The following SAFB variants were observed in gnomAD, a reference collection of about 807,000 sequenced individuals.
The protein encoded by SAFB is scaffold attachment factor B.
Under a neutral mutation model 101.6 loss-of-function variants are expected in SAFB, and 15 were observed. The ratio of observed to expected loss-of-function variants is 0.15; its 90% CI spans 0.10 to 0.23. SAFB has a LOEUF of 0.23. Ranked by LOEUF, SAFB falls within the 10% of genes least tolerant of loss-of-function variation. The pLI is 1.00. For missense variants in SAFB, 930 were observed against 1,104.1 expected (o/e 0.84, Z 2.23); for synonymous variants, 449 against 407.5 (o/e 1.10, Z -1.23).
intron 15 of SAFB, among the ~76,000 whole-genome samples, chr19:5,662,180 C>T (rs2054226993): frequency 6.6e-6 from 1 of 152,162 alleles, no homozygotes. Flanking sequence ...CCACCGCGAC[C>T]GGCCAGCTTG....
At chr19:5,658,311 A>G (rs1401901278) in intron 14 of SAFB, among the ~76,000 whole-genome samples, 1 of 152,248 alleles carries the variant, frequency 6.6e-6, no homozygotes, top group East Asian at 1.9e-4. Flanking sequence ...ACAGGGCCTC[A>G]TTCTTAAATA....
At position 5,623,354 on chromosome 19, in the gene SAFB, C is replaced by G; in HGVS notation, c.149C>G (p.Ser50Trp). Residue 50 changes from serine to tryptophan, a missense_variant, in exon 1 of 21, where the codon TCG becomes TGG. Ser to Trp is a radical substitution (Grantham distance 177). Coordinates refer to ENST00000588852, the MANE Select transcript of SAFB (RefSeq NM_001201338.2). ...GAGCTGAGGAAACGGAATGTGGACTCGAGCGGCAACAAGAGCGTTTTGATG... is the reference window on the plus strand; with the variant it reads ...GAGCTGAGGAAACGGAATGTGGACTGGAGCGGCAACAAGAGCGTTTTGATG... ...RAELRKRNVD[S>W]SGNKSVLMER... The G allele has an allele frequency of 6.2e-7, 1 of 1,613,974 alleles. No individual in the cohort carries two copies. Among genetic ancestry groups the G allele is most frequent in the East Asian group, 2.2e-5 (1 of 44,866 alleles).
At chr19:5,658,704 G>A (rs924917355) in intron 14 of SAFB, among the ~76,000 whole-genome samples, 4 of 151,854 alleles carry the variant, frequency 2.6e-5, no homozygotes, top group South Asian at 2.1e-4. Flanking sequence ...TGAACTGGGC[G>A]TGGTGGCGGG....
At chr19:5,633,055 T>C (rs564931868) in intron 2 of SAFB, among the ~76,000 whole-genome samples, 15 of 152,256 alleles carry the variant, frequency 9.9e-5, no homozygotes, top group African/African-American at 1.7e-4. Context: ...GGGAAGATAC[T>C]CTGAGACTTT....
At chr19:5,652,298 G>T (rs1043087769) in intron 9 of SAFB, among the ~76,000 whole-genome samples, 1 of 152,134 alleles carries the variant, frequency 6.6e-6, no homozygotes, top group Non-Finnish European at 1.5e-5. Flanking sequence ...CAACACCTGC[G>T]CCAAGTCTCC....
At chr19:5,626,183 A>G (rs1003705102) in intron 1 of SAFB, among the ~76,000 whole-genome samples, 1 of 152,204 alleles carries the variant, frequency 6.6e-6, no homozygotes, top group African/African-American at 2.4e-5. Flanking sequence ...TGAGCACCTA[A>G]GTAAACCTGC....
In SAFB at chr19:5,667,237, G is replaced by A; in HGVS notation, c.2453+73G>A. The A allele has an allele frequency of 8.0e-7, 1 of 1,248,438 alleles. No individual in the cohort carries two copies. The highest frequency in any genetic ancestry group is 1.1e-6 in the Non-Finnish European group (1 of 899,662). The allele number at this position is 1,248,438 out of a possible 1,614,324, so 77.3% of individuals were successfully genotyped here. On this transcript the variant is annotated intron_variant, in intron 18 of 20. Transcript: ENST00000588852. The surrounding 1 kb of genome is among the most constrained non-coding windows in gnomAD (Gnocchi z 4.0). Reference sequence around the variant, plus strand: ...GGGGGCCCGCAAGTCGCTGGGATGTGGGCACAGGGTGGGAAACACAGAGGG... The same window carrying A: ...GGGGGCCCGCAAGTCGCTGGGATGTAGGCACAGGGTGGGAAACACAGAGGG...
intron 14 of SAFB, among the ~76,000 whole-genome samples, chr19:5,658,355 T>G (rs567745333): frequency 7.2e-5 from 11 of 152,344 alleles, no homozygotes; most frequent in African/African-American, 2.6e-4. Context: ...TATTGGCGAA[T>G]TACAGCTAAT....
chr19:5,661,819 C>T lies in SAFB; in HGVS notation c.2153+11C>T, dbSNP rs1203182490. 2 of 1,523,104 alleles carry T rather than the reference C, an allele frequency of 1.3e-6. No homozygotes were observed. The highest frequency in any genetic ancestry group is 2.0e-5 in the Admixed American group (1 of 49,340). The allele number at this position is 1,523,104 out of a possible 1,614,324, so 94.3% of individuals were successfully genotyped here. A position where few individuals can be genotyped will look rare whatever the true frequency, so the allele number is the denominator to read the frequency against. ...CTACGACCTGGACCGGTAAGCAGAT[C>T]CATGCTGCCCTTAGCACGTGGCGTT... On this transcript the variant is annotated intron_variant, in intron 15 of 20. Transcript: ENST00000588852.
At chr19:5,658,632 A>G (rs554047550) in intron 14 of SAFB, among the ~76,000 whole-genome samples, 17 of 150,814 alleles carry the variant, frequency 1.1e-4, no homozygotes, top group African/African-American at 4.1e-4. Flanking sequence ...TCACGAGGTC[A>G]GGAGATCGAG....
chr19:5,628,058 C>T (rs1362223358), intron 2 of SAFB, among the ~76,000 whole-genome samples: 1 of 152,114 alleles, frequency 6.6e-6, no homozygotes, highest in Non-Finnish European at 1.5e-5. Context: ...CGAGACCAGC[C>T]TGGCCAACAT....
chr19:5,652,740 TC>T (rs2053967187), intron 9 of SAFB, among the ~76,000 whole-genome samples: 1 of 152,206 alleles, frequency 6.6e-6, no homozygotes, highest in Admixed American at 6.5e-5. Context: ...CTTTTTTTTT[TC>T]TTTTTTCTTT....
chr19:5,624,505 T>C (rs1303726670), intron 1 of SAFB, among the ~76,000 whole-genome samples: 3 of 152,052 alleles, frequency 2.0e-5, no homozygotes, highest in African/African-American at 7.2e-5. Flanking sequence ...TCCTGTAGCT[T>C]TTTTTCTCTG....
Position 5,654,299 on chromosome 19 carries a change from G to C in SAFB, c.1667-69G>C. On this transcript the variant is annotated intron_variant, in intron 12 of 20. Coordinates refer to ENST00000588852, the MANE Select transcript of SAFB (RefSeq NM_001201338.2). ...AGCTGGCAACGGAAACTGGATTCAT[G>C]TTGCAGAGGGTTTTTCTCATCTGGG... 3 of 1,587,710 alleles carry C rather than the reference G, an allele frequency of 1.9e-6. No individual in the cohort carries two copies. In the South Asian group the frequency reaches 3.3e-5, roughly 18 times the overall value.
At chr19:5,629,341 G>A (rs1347121079) in intron 2 of SAFB, among the ~76,000 whole-genome samples, 1 of 152,162 alleles carries the variant, frequency 6.6e-6, no homozygotes, top group Non-Finnish European at 1.5e-5. Flanking sequence ...CAAGGTAGGA[G>A]GATTGCTTAA....
chr19:5,663,488 C>A (rs1239138926), intron 15 of SAFB, among the ~76,000 whole-genome samples: 1 of 152,098 alleles, frequency 6.6e-6, no homozygotes, highest in Admixed American at 6.6e-5. Context: ...GAAGAGGAGC[C>A]CAGGTCATAT....
rs531273353 is a variant in SAFB, at chr19:5,647,017, C to T, written c.610-999C>T. Reference sequence around the variant, plus strand: ...AGGACCAACCTCCTGCAACCGATGACGAGTCTGTGTGTATGTAAGGTGCTT... The same window carrying T: ...AGGACCAACCTCCTGCAACCGATGATGAGTCTGTGTGTATGTAAGGTGCTT... On this transcript the variant is annotated intron_variant, in intron 5 of 20. Coordinates refer to ENST00000588852, the MANE Select transcript of SAFB (RefSeq NM_001201338.2). 5.3e-4 allele frequency among the ~76,000 whole-genome samples: 80 copies of T among 152,306 alleles called. 4 individuals are homozygous for T. In the South Asian group the frequency reaches 0.016, roughly 30 times the overall value.
intron 2 of SAFB, among the ~76,000 whole-genome samples, chr19:5,641,291 A>G (rs1356795656): frequency 6.6e-6 from 1 of 152,204 alleles, no homozygotes; most frequent in Non-Finnish European, 1.5e-5. Flanking sequence ...CCCTCAAACA[A>G]GGACACTTGG....
chr19:5,668,286 T>C lies in SAFB; in HGVS notation c.2749T>C (p.Tyr917His), dbSNP rs1366230171. 6.2e-7 allele frequency: 1 copy of C among 1,611,520 alleles called. No homozygotes were observed. The highest frequency in any genetic ancestry group is 1.7e-5 in the Admixed American group (1 of 59,518). ...CAGCGATGCCCGCTTCACTCGCCGCTACTGAGTACTTGGAATCCTGTGTCC... is the reference window on the plus strand; with the variant it reads ...CAGCGATGCCCGCTTCACTCGCCGCCACTGAGTACTTGGAATCCTGTGTCC... ...RPSDARFTRR[Y>H] Residue 917 changes from tyrosine to histidine, a missense_variant, in exon 21 of 21, where the codon TAC becomes CAC. Tyr to His is a moderately conservative substitution (Grantham distance 83). Transcript: ENST00000588852.
Sources: gnomAD v4.1 joint callset for allele counts (sites outside exome capture counted in the v4.1 genomes callset) on GRCh38, gnomAD v4.1.1 for gene constraint, Gnocchi (gnomAD v3.1) non-coding constraint, MANE v1.5 for transcripts, NCBI Gene and HGNC (gene_info 2026-07-23, HGNC 2026-07-21) for gene names.